Variants in PTP4A3 observed in about 807,000 individuals in gnomAD.
The protein encoded by PTP4A3 is protein tyrosine phosphatase type IVA 3.
A neutral mutation model predicts 15.2 loss-of-function variants in PTP4A3; 9 were observed. That is an observed-to-expected ratio of 0.59 (90% CI 0.36 to 1.03). The LOEUF is 1.03. PTP4A3 is among the 50% of genes least tolerant of loss of function. The probability of loss-of-function intolerance (pLI) is 0.02; values close to 1 mark genes in which losing one functional copy is unlikely to be tolerated. For synonymous variants in PTP4A3, 95 were observed against 102.0 expected (o/e 0.93, Z 0.41); for missense variants, 234 against 252.1 (o/e 0.93, Z 0.49).
rs1321092627 is a variant in PTP4A3 at position 141,421,955 on chromosome 8, T to C, written c.-286T>C. 1 of 413,972 alleles carries C rather than the reference T, an allele frequency of 2.4e-6. No individual in the cohort carries two copies. The highest frequency in any genetic ancestry group is 4.3e-6 in the Non-Finnish European group (1 of 232,634). The allele number at this position is 413,972 out of a possible 1,614,324, so 25.6% of individuals were successfully genotyped here. ...GGAGTTTGGAGTTGCCCGCTTTACT[T>C]TGGTTGGGTTGGGGGGGGCGGCGGG... On this transcript the variant is annotated 5_prime_UTR_variant, in exon 2 of 6. Transcript: ENST00000521578.
intron 1 of PTP4A3, among the ~76,000 whole-genome samples, chr8:141,410,518 C>T (rs145283441): frequency 5.1e-4 from 78 of 152,354 alleles, no homozygotes; most frequent in African/African-American, 1.8e-3. Flanking sequence ...CTCACAGCCC[C>T]TGTGGGTACC....
Position 141,406,245 on chromosome 8 carries a change from C to T in PTP4A3, c.-854+14161C>T, listed in dbSNP as rs1432055143. 1.3e-5 allele frequency among the ~76,000 whole-genome samples: 2 copies of T among 152,124 alleles called. No homozygotes were observed. Among genetic ancestry groups the T allele is most frequent in the African/African-American group, 2.4e-5 (1 of 41,412 alleles). ...CACCATTTCACTTGTCGGCCACCCA[C>T]GGCTGCTTCCTGCCCCATCTGGGGA... On this transcript the variant is annotated intron_variant, in intron 1 of 5. Coordinates refer to ENST00000521578, the MANE Select transcript of PTP4A3 (RefSeq NM_032611.3). This position sits in a 1 kb window ranked among gnomAD's most constrained non-coding sequence, Gnocchi z 4.5.
At chr8:141,410,323 G>A (rs1224008426) in intron 1 of PTP4A3, among the ~76,000 whole-genome samples, 5 of 152,256 alleles carry the variant, frequency 3.3e-5, no homozygotes, top group Non-Finnish European at 7.3e-5. Flanking sequence ...TGTTGCTAGT[G>A]CCTGGTTTCA....
chr8:141,429,666 A>AC lies in PTP4A3; in HGVS notation c.405-1261_405-1260insC, dbSNP rs1554621538. Among the ~76,000 whole-genome samples, 17 of 48,002 alleles carry AC rather than the reference A, an allele frequency of 3.5e-4. 4 individuals are homozygous for AC. The highest frequency in any genetic ancestry group is 9.0e-4 in the South Asian group (1 of 1,114). 31.5% of individuals were successfully genotyped at this position (48,002 alleles called of 152,430 possible). On this transcript the variant is annotated intron_variant, in intron 5 of 5. Coordinates refer to ENST00000521578, the MANE Select transcript of PTP4A3 (RefSeq NM_032611.3). ...CGGGGACAGGGTGAGCACACAGTCC[A>AC]GTCCCCGCTGTAAGGACCAGGTGGC...
At chr8:141,410,141 TG>T (rs1832830615) in intron 1 of PTP4A3, among the ~76,000 whole-genome samples, 2 of 152,328 alleles carry the variant, frequency 1.3e-5, no homozygotes, top group African/African-American at 4.8e-5. Flanking sequence ...TGCCATGGCC[TG>T]GGCTGTCTGA....
At chr8:141,414,017 A>G (rs1246115120) in intron 1 of PTP4A3, among the ~76,000 whole-genome samples, 4 of 151,966 alleles carry the variant, frequency 2.6e-5, no homozygotes, top group African/African-American at 9.7e-5. Flanking sequence ...TGGGGTCCCC[A>G]TCTTCCCGGC....
chr8:141,402,238 G>A (rs1450822880), intron 1 of PTP4A3, among the ~76,000 whole-genome samples: 1 of 152,174 alleles, frequency 6.6e-6, no homozygotes, highest in Non-Finnish European at 1.5e-5. Flanking sequence ...TGAAGGCATG[G>A]ATGGGACCAG....
intron 2 of PTP4A3, among the ~76,000 whole-genome samples, chr8:141,422,562 G>C (rs146539294): frequency 1.1e-3 from 163 of 152,244 alleles, no homozygotes; most frequent in Middle Eastern, 3.4e-3. Context: ...GATCAACGGG[G>C]TCCCCTGGGA....
intron 1 of PTP4A3, among the ~76,000 whole-genome samples, chr8:141,418,292 G>C (rs116109786): frequency 0.033 from 4,989 of 152,348 alleles, 276 homozygotes; most frequent in African/African-American, 0.11. Context: ...GGGGCGCCCT[G>C]TCTGAAGCGG....
At chr8:141,408,297 A>G (rs1456627978) in intron 1 of PTP4A3, among the ~76,000 whole-genome samples, 1 of 152,222 alleles carries the variant, frequency 6.6e-6, no homozygotes, top group Non-Finnish European at 1.5e-5. Flanking sequence ...CTGTGAATAT[A>G]TTAAAAACAC....
chr8:141,399,171 C>T (rs927196239), intron 1 of PTP4A3, among the ~76,000 whole-genome samples: 10 of 152,222 alleles, frequency 6.6e-5, no homozygotes, highest in Non-Finnish European at 8.8e-5. Context: ...ACCTGCTCAT[C>T]CACTCCGCCC....
chr8:141,429,259 C>G (rs969134012), intron 5 of PTP4A3, among the ~76,000 whole-genome samples: 19 of 152,388 alleles, frequency 1.2e-4, no homozygotes, highest in African/African-American at 3.6e-4. Context: ...CTTTGCTGGG[C>G]AGAGACTCCT....
At chr8:141,419,292 C>G (rs552414229) in intron 1 of PTP4A3, among the ~76,000 whole-genome samples, 1 of 152,300 alleles carries the variant, frequency 6.6e-6, no homozygotes, top group African/African-American at 2.4e-5. Context: ...AGGGGTTGGT[C>G]AGCCCCTCAG....
intron 1 of PTP4A3, among the ~76,000 whole-genome samples, chr8:141,414,319 G>A (rs1478207247): frequency 1.3e-5 from 2 of 152,322 alleles, no homozygotes; most frequent in East Asian, 3.9e-4. Flanking sequence ...TCCTCCCATG[G>A]GGAGATCAAA....
intron 2 of PTP4A3, among the ~76,000 whole-genome samples, chr8:141,424,204 C>A (rs1445489716): frequency 2.0e-5 from 3 of 152,150 alleles, no homozygotes; most frequent in African/African-American, 4.8e-5. Flanking sequence ...CCGTGACCAG[C>A]AAGACCCATC....
rs1250023134 is a variant in PTP4A3 at position 141,406,777 on chromosome 8, G to A, written c.-853-14611G>A. On this transcript the variant is annotated intron_variant, in intron 1 of 5. Transcript: ENST00000521578. This position sits in a 1 kb window ranked among gnomAD's most constrained non-coding sequence, Gnocchi z 4.5. ...CTTAATCCATCTTGCCAGCTCTCAA[G>A]GGCTGTAGGCACTTCGCCCTGAATC... 6.6e-6 allele frequency among the ~76,000 whole-genome samples: 1 copy of A among 152,124 alleles called. No homozygotes were observed. The highest frequency in any genetic ancestry group is 6.5e-5 in the Admixed American group (1 of 15,280).
chr8:141,401,057 T>A (rs576596139), intron 1 of PTP4A3, among the ~76,000 whole-genome samples: 2 of 152,054 alleles, frequency 1.3e-5, no homozygotes, highest in Non-Finnish European at 2.9e-5. Context: ...CGGAACGGCA[T>A]CACTCTTAAT....
intron 1 of PTP4A3, among the ~76,000 whole-genome samples, chr8:141,399,969 C>T (rs139139602): frequency 2.5e-3 from 381 of 152,354 alleles, no homozygotes; most frequent in African/African-American, 8.8e-3. Context: ...TACAGTGGCA[C>T]GATCTCAGCT....
chr8:141,394,465 G>A (rs566955077), intron 1 of PTP4A3, among the ~76,000 whole-genome samples: 1 of 152,292 alleles, frequency 6.6e-6, no homozygotes, highest in Admixed American at 6.5e-5. Flanking sequence ...CGCCCTTGCT[G>A]TCACCTACTC....
Sources: allele counts gnomAD v4.1 joint callset (sites outside exome capture counted in the v4.1 genomes callset), GRCh38; gene constraint gnomAD v4.1.1; non-coding constraint Gnocchi (gnomAD v3.1); transcripts MANE v1.5; gene names NCBI Gene and HGNC (gene_info 2026-07-23, HGNC 2026-07-21).